TEP1: variants seen among roughly 807,000 people sequenced by gnomAD.
The protein encoded by TEP1 is telomerase associated protein 1, also known as telomerase protein component 1.
Under a neutral mutation model 306.3 loss-of-function variants are expected in TEP1, and 241 were observed. That is an observed-to-expected ratio of 0.79 (90% confidence interval 0.71 to 0.88). The LOEUF (loss-of-function observed/expected upper bound fraction) is 0.88. Ranked by LOEUF, TEP1 falls within the 40% of genes least tolerant of loss-of-function variation. The probability of loss-of-function intolerance (pLI) is 0.00; values close to 1 mark genes in which losing one functional copy is unlikely to be tolerated. For missense variants in TEP1, 3,051 were observed against 3,276.1 expected (o/e 0.93, Z 1.68); for synonymous variants, 1,289 against 1,305.5 (o/e 0.99, Z 0.27).
At chr14:20,383,456 C>A in intron 26 of TEP1, 32 bp downstream of exon 26, 1 of 1,613,664 alleles carries the variant, frequency 6.2e-7, no homozygotes, top group Non-Finnish European at 8.5e-7. Flanking sequence ...CCCCAGCCTG[C>A]CTCCCGACAC....
intron 9 of TEP1, 71 bp downstream of exon 9, chr14:20,400,913 G>T: frequency 1.9e-6 from 3 of 1,552,194 alleles, no homozygotes; most frequent in South Asian, 2.3e-5. Flanking sequence ...AAATCTTCTA[G>T]TGAGGATCTA....
Position 20,386,160 on chromosome 14 carries a change from G to C in TEP1, c.2897C>G (p.Ala966Gly). 6.2e-7 allele frequency: 1 copy of C among 1,613,772 alleles called. No individual in the cohort carries two copies. Among genetic ancestry groups the C allele is most frequent in the Non-Finnish European group, 8.5e-7 (1 of 1,179,890 alleles). ...LEVCLGEVEN[A>G]QLFVGILGSR... ...GCCCAGAATCCCCACAAACAGCTGT[G>C]CGTTCTCCACCTCCCCAAGGCACAC... Residue 966 changes from alanine to glycine, a missense_variant, in exon 20 of 55, where the codon GCA becomes GGA. By Grantham distance (60) the Ala-to-Gly change is moderately conservative. This residue lies in a region of TEP1 where 1,507 missense variants were observed against 1,550.5 expected (regional missense o/e 0.97). Coordinates refer to ENST00000262715, the MANE Select transcript of TEP1 (RefSeq NM_007110.5).
intron 51 of TEP1, among the ~76,000 whole-genome samples, chr14:20,370,080 A>AT (rs1283550291): frequency 3.9e-5 from 6 of 152,070 alleles, no homozygotes; most frequent in Non-Finnish European, 8.8e-5. Flanking sequence ...CACCCAGCTG[A>AT]TTTTTTTATT....
Position 20,373,320 on chromosome 14 carries a change from G to C in TEP1, c.6764C>G (p.Thr2255Ser), listed in dbSNP as rs1026003263. ...AVSETSGLML[T>S]ASEDGSVRLW... ...CCGTACAGAACCATCCTCAGAGGCG[G>C]TCAGCATGAGGCCTGAGGTTTCTGA... The change falls in exon 47 of 55, where the codon ACC becomes AGC. Residue 2255 changes from threonine to serine, a missense_variant. Transcript: ENST00000262715. 1 of 1,614,194 alleles carries C rather than the reference G, an allele frequency of 6.2e-7. No homozygotes were observed. The highest frequency in any genetic ancestry group is 1.7e-5 in the Admixed American group (1 of 60,022).
chr14:20,377,881 C>T (rs1885286322), intron 39 of TEP1, 128 bp from the exon 40 acceptor site: 2 of 1,438,004 alleles, frequency 1.4e-6, no homozygotes. Flanking sequence ...TGCCCCTGCA[C>T]ACAGCGGCAC....
rs1876566372 is a variant in TEP1, at chr14:20,381,801, CAGT to C, written c.4424+109_4424+111del. The C allele has an allele frequency of 5.2e-6, 8 of 1,539,948 alleles. No individual in the cohort carries two copies. In the East Asian group the frequency reaches 1.4e-4, roughly 26 times the overall value. On this transcript the variant is annotated intron_variant, in intron 30 of 54. Coordinates refer to ENST00000262715, the MANE Select transcript of TEP1 (RefSeq NM_007110.5). This position sits in a 1 kb window ranked among gnomAD's most constrained non-coding sequence, Gnocchi z 4.0. ...ATAGCGGAAACTGGAGCAGCTGGAG[CAGT>C]AGCTCATTCATGGTCTGGGAGCCAG...
chr14:20,384,950 G>A (rs1274551210), intron 21 of TEP1, 35 bp downstream of exon 21: 3 of 1,613,794 alleles, frequency 1.9e-6, no homozygotes, highest in Non-Finnish European at 2.5e-6. Context: ...GGCCTTTTGG[G>A]GAAGGAGCCC....
At chr14:20,398,629 A>C (rs1878419086) in intron 9 of TEP1, among the ~76,000 whole-genome samples, 1 of 152,190 alleles carries the variant, frequency 6.6e-6, no homozygotes, top group Non-Finnish European at 1.5e-5. Flanking sequence ...ATGTGGGTTC[A>C]ATCTGCATGG....
intron 18 of TEP1, among the ~76,000 whole-genome samples, chr14:20,387,026 C>G (rs1366153859): frequency 1.3e-5 from 2 of 151,528 alleles, no homozygotes; most frequent in Non-Finnish European, 2.9e-5. Flanking sequence ...CCTCTGCCTC[C>G]AGGGTTCAAG....
Position 20,368,803 on chromosome 14 carries a change from G to A in TEP1, c.7756C>T (p.Gln2586Ter), listed in dbSNP as rs931082304. 17 of 1,558,782 alleles carry A rather than the reference G, an allele frequency of 1.1e-5. No individual in the cohort carries two copies. Among genetic ancestry groups the A allele is most frequent in the Non-Finnish European group, 1.4e-5 (16 of 1,147,792 alleles). ...ACACACACACACACACTTACCAGCT[G>A]CATACTGGGTCTCTCCCATAGCTTA... ...DVKLWERPSM[Q>*]LLGLFRCEGS... The change falls in exon 54 of 55, where the codon CAG becomes TAG. Residue 2586 changes from glutamine (Q) to a stop codon, truncating the protein, a stop_gained. Coordinates refer to ENST00000262715, the MANE Select transcript of TEP1 (RefSeq NM_007110.5). LOFTEE classifies it high-confidence loss of function.
At chr14:20,402,126 T>C (rs1013045337) in intron 7 of TEP1, among the ~76,000 whole-genome samples, 2 of 151,912 alleles carry the variant, frequency 1.3e-5, no homozygotes, top group Non-Finnish European at 2.9e-5. Context: ...ACCAACATGG[T>C]GAAACCCCGT....
Position 20,395,437 on chromosome 14 carries a change from A to T in TEP1, c.1928+13T>A. 1 of 1,562,422 alleles carries T rather than the reference A, an allele frequency of 6.4e-7. No homozygotes were observed. Among genetic ancestry groups the T allele is most frequent in the South Asian group, 1.2e-5 (1 of 86,754 alleles). ...GATTGCCCACCCTTGGCTCCCAGAC[A>T]GTGCATACATACCTGGCCTTGTGTA... On this transcript the variant is annotated intron_variant, in intron 12 of 54. Coordinates refer to ENST00000262715, the MANE Select transcript of TEP1 (RefSeq NM_007110.5).
intron 10 of TEP1, 121 bp from the exon 11 acceptor site, chr14:20,396,070 A>T: frequency 3.2e-6 from 2 of 616,824 alleles, no homozygotes; most frequent in Non-Finnish European, 5.7e-6. Flanking sequence ...TAGACAAGAG[A>T]TATAGAAAAG....
At chr14:20,373,429 C>T (rs1226262212) in intron 46 of TEP1, 27 bp from the exon 47 acceptor site, 1 of 1,614,062 alleles carries the variant, frequency 6.2e-7, no homozygotes, top group Non-Finnish European at 8.5e-7. Flanking sequence ...GAGATGGGCT[C>T]ATGAGAGTGG....
Position 20,380,443 on chromosome 14 carries a change from G to C in TEP1, c.4795C>G (p.Pro1599Ala). Residue 1599 changes from proline (P) to alanine (A), a missense_variant, in exon 34 of 55, where the codon CCC becomes GCC. Pro to Ala is a conservative substitution (Grantham distance 27, BLOSUM62 -1). Around this residue, in one of 3 missense-constraint regions of TEP1, gnomAD observed 1,540 missense variants for 1,705.9 expected, o/e 0.90. Transcript: ENST00000262715. ...SSVPKEEQKL[P>A]EADVAVFRTF... is the part of the protein sequence containing the mutation. ...CGAAACACTGCAACGTCAGCCTCGG[G>C]GAGCTTTTGTTCCTCTTTGGGGACT... is the stretch of plus-strand genomic sequence containing the variant. The C allele has an allele frequency of 6.2e-7, 1 of 1,613,938 alleles. No homozygotes were observed. Among genetic ancestry groups the C allele is most frequent in the Non-Finnish European group, 8.5e-7 (1 of 1,180,014 alleles).
In TEP1 at chr14:20,368,525, C is replaced by G; in HGVS notation, c.7796G>C (p.Cys2599Ser). The stretch of plus-strand genomic sequence containing the variant: ...GTTAGCGCCCAGCCAAGGTTCCAGG[C>G]AGCTCACTGACCCTTCGCATCGGAA... ...GLFRCEGSVS[C>S]LEPWLGANST... Residue 2599 changes from cysteine (C) to serine (S), a missense_variant, in exon 55 of 55, where the codon TGC (cysteine) becomes TCC (serine). Physicochemically the swap from Cys to Ser is moderately radical, Grantham distance 112. Transcript: ENST00000262715. 1 of 1,614,160 alleles carries G rather than the reference C, an allele frequency of 6.2e-7. No individual in the cohort carries two copies.
chr14:20,401,874 C>T (rs1878786005), intron 7 of TEP1, among the ~76,000 whole-genome samples: 2 of 152,094 alleles, frequency 1.3e-5, no homozygotes, highest in Non-Finnish European at 2.9e-5. Flanking sequence ...CACAGGACAG[C>T]TTTGTTTGTA....
In TEP1 at chr14:20,389,690, A is replaced by G. The variant is rs773104274; in HGVS notation, c.2385T>C (p.Asn795=). 1.2e-6 allele frequency: 2 copies of G among 1,614,230 alleles called. No homozygotes were observed. Among genetic ancestry groups the G allele is most frequent in the Admixed American group, 1.7e-5 (1 of 60,030 alleles). ...LGQSMDDGMI[N]VAKQLYWQRV... is the part of the protein sequence containing the mutation. ...GCTGCCAGTAAAGCTGTTTGGCCAC[A>G]TTTATCATTCCATCATCCATGCTTT... Residue 795 remains asparagine (N), a synonymous_variant, in exon 16 of 55, where the codon AAT becomes AAC. Transcript: ENST00000262715.
At chr14:20,373,217 T>C (rs1884960690) in intron 47 of TEP1, 53 bp downstream of exon 47, 3 of 1,612,636 alleles carry the variant, frequency 1.9e-6, no homozygotes, top group Non-Finnish European at 2.5e-6. Flanking sequence ...AGGCCACCCT[T>C]GACCTTTTTT....
Sources: allele counts gnomAD v4.1 joint callset (sites outside exome capture counted in the v4.1 genomes callset), GRCh38; gene constraint gnomAD v4.1.1; regional missense constraint gnomAD v4.1.1; non-coding constraint Gnocchi (gnomAD v3.1); transcripts MANE v1.5; gene names NCBI Gene and HGNC (gene_info 2026-07-23, HGNC 2026-07-21).